The following GPC6 variants were observed in gnomAD, a reference collection of about 807,000 sequenced individuals.
GPC6 encodes the protein glypican 6, also known as glypican-6.
GPC6 carries 14 observed loss-of-function variants against 55.2 expected under a neutral mutation model. That is an observed-to-expected ratio of 0.25 (90% CI 0.17 to 0.40). The LOEUF is 0.40. GPC6 is among the 10% of genes least tolerant of loss of function. GPC6 has a pLI of 1.00. For missense variants in GPC6, 641 were observed against 708.5 expected, an observed-to-expected ratio of 0.90 and a Z score of 1.08; for synonymous variants, 278 against 259.6, an observed-to-expected ratio of 1.07 and a Z score of -0.68.
At chr13:93,747,855 G>A (rs1884451554) in intron 2 of GPC6, among the ~76,000 whole-genome samples, 1 of 152,154 alleles carries the variant, frequency 6.6e-6, no homozygotes, top group Non-Finnish European at 1.5e-5. Context: ...AACTCAAGGA[G>A]CCTCTGTATT....
intron 1 of GPC6, among the ~76,000 whole-genome samples, chr13:93,410,026 A>C (rs150794365): frequency 6.6e-6 from 1 of 152,192 alleles, no homozygotes; most frequent in Admixed American, 6.6e-5. Flanking sequence ...AGACTGGCCT[A>C]CATCCAAAGC....
chr13:93,952,395 A>G (rs1176165907), intron 3 of GPC6, among the ~76,000 whole-genome samples: 4 of 152,170 alleles, frequency 2.6e-5, no homozygotes, highest in African/African-American at 9.6e-5. Context: ...CTGAGTTGAT[A>G]TGTAGAATTC....
At chr13:93,974,907 C>T (rs1424274959) in intron 3 of GPC6, among the ~76,000 whole-genome samples, 1 of 152,086 alleles carries the variant, frequency 6.6e-6, no homozygotes. Context: ...GAAGAAGAAA[C>T]TAAGGCTTAG....
chr13:93,820,435 A>G (rs1051427769), intron 2 of GPC6, among the ~76,000 whole-genome samples: 21 of 151,912 alleles, frequency 1.4e-4, no homozygotes, highest in African/African-American at 3.6e-4. Flanking sequence ...TATTGTGAAC[A>G]TTTTTGAATT....
chr13:93,846,168 T>G (rs1888172558), intron 3 of GPC6, among the ~76,000 whole-genome samples: 2 of 152,140 alleles, frequency 1.3e-5, no homozygotes, highest in African/African-American at 4.8e-5. Flanking sequence ...AAGCACAGGC[T>G]TAGAATTGTT....
rs111958750 is a variant in GPC6, at chr13:93,683,393, A to G, written c.319+137972A>G. 8.9e-3 allele frequency among the ~76,000 whole-genome samples: 1,351 copies of G among 152,118 alleles called. 37 individuals carry two copies. Among genetic ancestry groups the G allele is most frequent in the African/African-American group, 0.031 (1,280 of 41,526 alleles). ...CTTCAATTTATGATACTGAATTTAA[A>G]TTTTAGGCATATGAATAAGGATGAA... On this transcript the variant is annotated intron_variant, in intron 2 of 8. Transcript: ENST00000377047.
intron 2 of GPC6, among the ~76,000 whole-genome samples, chr13:93,789,610 T>TAATACTACATATATATATAATACTAC (rs1178827836): frequency 1.1e-4 from 3 of 27,698 alleles, no homozygotes; most frequent in Admixed American, 6.0e-4. Flanking sequence ...TATATATATA[T>TAATACTACATATATATATAATACTAC]ATATATATAT....
chr13:93,816,131 G>C (rs1348811501), intron 2 of GPC6, among the ~76,000 whole-genome samples: 1 of 152,080 alleles, frequency 6.6e-6, no homozygotes, highest in Non-Finnish European at 1.5e-5. Context: ...ATCTAAGATT[G>C]ATTTTTTTTC....
intron 6 of GPC6, among the ~76,000 whole-genome samples, chr13:94,339,045 G>A (rs558885994): frequency 6.6e-5 from 10 of 152,060 alleles, no homozygotes; most frequent in African/African-American, 2.4e-4. Context: ...TCAGTGTGAA[G>A]GAGTGTTATT....
At chr13:94,203,121 T>C (rs530696350) in intron 4 of GPC6, among the ~76,000 whole-genome samples, 35 of 131,416 alleles carry the variant, frequency 2.7e-4, no homozygotes, top group African/African-American at 8.6e-4. Context: ...ATTTCACTTA[T>C]AGTGAGTCTT....
At chr13:94,351,962 C>CAAAAAAAAAAAAA (rs60206836) in intron 6 of GPC6, among the ~76,000 whole-genome samples, 1 of 101,546 alleles carries the variant, frequency 9.8e-6, no homozygotes, top group Non-Finnish European at 1.9e-5. Flanking sequence ...GAGAAGAAGG[C>CAAAAAAAAAAAAA]AAAAAAAAAA....
intron 1 of GPC6, among the ~76,000 whole-genome samples, chr13:93,497,071 C>T (rs1880329935): frequency 6.6e-6 from 1 of 152,164 alleles, no homozygotes; most frequent in Non-Finnish European, 1.5e-5. Context: ...CACTGATGCC[C>T]TCGTGCTGCT....
chr13:94,043,899 A>G (rs1594690685), intron 4 of GPC6, among the ~76,000 whole-genome samples: 4 of 151,930 alleles, frequency 2.6e-5, no homozygotes, highest in Admixed American at 2.6e-4. Flanking sequence ...TACTTAGGTT[A>G]GTCATCTTCT....
intron 2 of GPC6, among the ~76,000 whole-genome samples, chr13:93,734,087 G>A (rs1883917243): frequency 6.9e-6 from 1 of 144,282 alleles, no homozygotes; most frequent in African/African-American, 2.6e-5. Flanking sequence ...CAGAAATGTA[G>A]GATTAGAATT....
intron 4 of GPC6, among the ~76,000 whole-genome samples, chr13:94,138,825 C>T (rs1887272310): frequency 6.6e-6 from 1 of 152,084 alleles, no homozygotes. Flanking sequence ...TACTGAGTAC[C>T]TAACAGGTAC....
At chr13:94,061,267 C>T (rs1028019055) in intron 4 of GPC6, among the ~76,000 whole-genome samples, 1 of 152,136 alleles carries the variant, frequency 6.6e-6, no homozygotes, top group African/African-American at 2.4e-5. Flanking sequence ...CTGTTTATAT[C>T]CCATCTTAGT....
At chr13:93,569,207 T>G (rs968651638) in intron 2 of GPC6, among the ~76,000 whole-genome samples, 1 of 152,148 alleles carries the variant, frequency 6.6e-6, no homozygotes, top group Non-Finnish European at 1.5e-5. Context: ...TAAATAAGAT[T>G]ATAATTAACT....
Position 94,128,284 on chromosome 13 carries a change from C to G in GPC6, c.877+100390C>G, listed in dbSNP as rs966385588. Reference sequence around the variant, plus strand: ...TAGGAAAATTTTTATAATGACTCCACAGACAGCTAAGTAAATAATGATCAC... The same window carrying G: ...TAGGAAAATTTTTATAATGACTCCAGAGACAGCTAAGTAAATAATGATCAC... On this transcript the variant is annotated intron_variant, in intron 4 of 8. Coordinates refer to ENST00000377047, the MANE Select transcript of GPC6 (RefSeq NM_005708.5). Among the ~76,000 whole-genome samples the G allele has an allele frequency of 3.3e-5, 5 of 152,102 alleles. No individual in the cohort carries two copies. In the East Asian group the frequency reaches 9.7e-4, roughly 29 times the overall value.
chr13:93,871,935 A>G (rs75918004), intron 3 of GPC6, among the ~76,000 whole-genome samples: 5,821 of 151,952 alleles, frequency 0.038, 348 homozygotes, highest in African/African-American at 0.13. Flanking sequence ...CACTGCATTT[A>G]TTTTTTGATT....
Sources: allele counts gnomAD v4.1 joint callset (sites outside exome capture counted in the v4.1 genomes callset), GRCh38; gene constraint gnomAD v4.1.1; transcripts MANE v1.5; gene names NCBI Gene and HGNC (gene_info 2026-07-23, HGNC 2026-07-21).